The following ADAMTS17 variants were observed in gnomAD, a reference collection of about 807,000 sequenced individuals.
The protein encoded by ADAMTS17 is ADAM metallopeptidase with thrombospondin type 1 motif 17, also known as A disintegrin and metalloproteinase with thrombospondin motifs 17.
ADAMTS17 carries 113 observed loss-of-function variants against 141.5 expected under a neutral mutation model. That is an observed-to-expected ratio of 0.80 (90% CI 0.69 to 0.93). The LOEUF (loss-of-function observed/expected upper bound fraction) is 0.93, where lower values mean the gene tolerates loss of function less well. Ranked by LOEUF, ADAMTS17 falls within the 40% of genes least tolerant of loss-of-function variation. ADAMTS17 has a pLI of 0.00. For synonymous variants in ADAMTS17, 768 were observed against 630.6 expected, an observed-to-expected ratio of 1.22 and a Z score of -3.27; for missense variants, 1,659 against 1,517.9, an observed-to-expected ratio of 1.09 and a Z score of -1.54.
intron 3 of ADAMTS17, among the ~76,000 whole-genome samples, chr15:100,308,371 C>G (rs1426863424): frequency 6.6e-6 from 1 of 152,220 alleles, no homozygotes; most frequent in Non-Finnish European, 1.5e-5. Context: ...TTGTAAATCT[C>G]AGAATCCCCA....
chr15:100,116,931 G>A lies in ADAMTS17; in HGVS notation c.1804C>T (p.Pro602Ser), dbSNP rs756454329. The change falls in exon 13 of 22, where the codon CCC (proline) becomes TCC (serine). Residue 602 changes from proline to serine, a missense_variant. Transcript: ENST00000268070. ...CENLPCPKGL[P>S]SFRDQQCQAH... ...TGGCACTGCTGGTCCCGGAAGCTGG[G>A]CAGACCCTTGGGGCAGGGCAGGTTC... 1.4e-5 allele frequency: 22 copies of A among 1,614,024 alleles called. No homozygotes were observed. Among genetic ancestry groups the A allele is most frequent in the Middle Eastern group, 1.7e-4 (1 of 6,060 alleles).
intron 3 of ADAMTS17, among the ~76,000 whole-genome samples, chr15:100,283,322 A>G (rs1265032925): frequency 6.6e-6 from 1 of 152,196 alleles, no homozygotes; most frequent in Non-Finnish European, 1.5e-5. Flanking sequence ...GCCTTTGCAC[A>G]TTGGCAGAAG....
At chr15:100,057,395 C>G (rs2032672216) in intron 15 of ADAMTS17, among the ~76,000 whole-genome samples, 3 of 152,132 alleles carry the variant, frequency 2.0e-5, no homozygotes, top group South Asian at 4.1e-4. Context: ...TCCGTAGAAC[C>G]CATTTCTCTC....
chr15:100,099,345 T>C (rs748917545), intron 14 of ADAMTS17, among the ~76,000 whole-genome samples: 12 of 152,212 alleles, frequency 7.9e-5, no homozygotes, highest in Non-Finnish European at 1.5e-4. Context: ...TTTTCTTCCA[T>C]TGTTTCAGTC....
At chr15:100,023,895 T>C (rs2061450862) in intron 18 of ADAMTS17, among the ~76,000 whole-genome samples, 1 of 152,270 alleles carries the variant, frequency 6.6e-6, no homozygotes, top group East Asian at 1.9e-4. Flanking sequence ...ACTTATAAAT[T>C]TAATTCATGC....
At chr15:99,975,666 T>G (rs1236432035) in intron 21 of ADAMTS17, among the ~76,000 whole-genome samples, 1 of 152,180 alleles carries the variant, frequency 6.6e-6, no homozygotes, top group African/African-American at 2.4e-5. Context: ...GCCTGGGGTG[T>G]GCCCCATGTG....
At chr15:100,290,560 A>C (rs2044595035) in intron 3 of ADAMTS17, among the ~76,000 whole-genome samples, 1 of 152,346 alleles carries the variant, frequency 6.6e-6, no homozygotes, top group Non-Finnish European at 1.5e-5. Flanking sequence ...AAGCAATTCT[A>C]AGCAAAAAGA....
chr15:100,081,867 G>A (rs1003930627), intron 15 of ADAMTS17, among the ~76,000 whole-genome samples: 2 of 152,158 alleles, frequency 1.3e-5, no homozygotes, highest in Non-Finnish European at 2.9e-5. Context: ...TCCCTTTTCA[G>A]TTAATGGCCT....
chr15:100,319,159 G>A (rs1445996423), intron 3 of ADAMTS17, among the ~76,000 whole-genome samples: 2 of 152,354 alleles, frequency 1.3e-5, no homozygotes, highest in East Asian at 3.9e-4. Flanking sequence ...GGGTAGAATA[G>A]CACTGGGGGC....
intron 20 of ADAMTS17, among the ~76,000 whole-genome samples, chr15:99,988,617 G>A (rs1013637710): frequency 6.6e-6 from 1 of 152,192 alleles, no homozygotes; most frequent in Admixed American, 6.5e-5. Flanking sequence ...CTTGTCAAAC[G>A]GGCTGTGGCA....
At chr15:100,126,969 C>T (rs916255188) in intron 12 of ADAMTS17, among the ~76,000 whole-genome samples, 5 of 152,312 alleles carry the variant, frequency 3.3e-5, no homozygotes, top group African/African-American at 1.2e-4. Flanking sequence ...GAGACTTAAG[C>T]AGCACCCCAT....
chr15:100,019,981 C>A (rs11631633), intron 18 of ADAMTS17, among the ~76,000 whole-genome samples: 106,682 of 150,678 alleles, frequency 0.71, 37,967 homozygotes, highest in Non-Finnish European at 0.77. Flanking sequence ...AGCCCCAAGC[C>A]TCTTGTCCTA....
intron 18 of ADAMTS17, among the ~76,000 whole-genome samples, chr15:100,030,126 G>C (rs1339749953): frequency 6.6e-6 from 1 of 152,152 alleles, no homozygotes; most frequent in African/African-American, 2.4e-5. Context: ...GGCAGGTGCA[G>C]CTGAAATGTT....
At chr15:100,126,029 T>C (rs1450997741) in intron 12 of ADAMTS17, 5 of 152,152 alleles carry the variant, frequency 3.3e-5, no homozygotes, top group African/African-American at 4.8e-5. Flanking sequence ...GCAGGCCTGG[T>C]GATTTAAGGA....
intron 18 of ADAMTS17, among the ~76,000 whole-genome samples, chr15:100,008,151 T>G (rs1177592513): frequency 6.6e-6 from 1 of 151,980 alleles, no homozygotes; most frequent in African/African-American, 2.4e-5. Context: ...AAACGTGGTC[T>G]GATGCTTGCT....
chr15:100,113,457 C>G (rs2036917240), intron 13 of ADAMTS17, among the ~76,000 whole-genome samples: 1 of 152,052 alleles, frequency 6.6e-6, no homozygotes, highest in South Asian at 2.1e-4. Context: ...TCCTGGAGCC[C>G]ACTAGCAATA....
chr15:100,140,480 C>CATATATATATATATAT (rs1466321506), intron 10 of ADAMTS17, among the ~76,000 whole-genome samples: 3 of 53,870 alleles, frequency 5.6e-5, no homozygotes, highest in Admixed American at 2.3e-4. Context: ...GACACACACA[C>CATATATATATATATAT]ATACATACAT....
At chr15:100,280,249 G>A (rs1446368723) in intron 4 of ADAMTS17, among the ~76,000 whole-genome samples, 1 of 152,052 alleles carries the variant, frequency 6.6e-6, no homozygotes, top group African/African-American at 2.4e-5. Context: ...CACCCACCCA[G>A]AGGCCCAGCT....
intron 7 of ADAMTS17, among the ~76,000 whole-genome samples, chr15:100,213,335 A>G (rs1025266305): frequency 2.0e-5 from 3 of 152,228 alleles, no homozygotes; most frequent in Non-Finnish European, 4.4e-5. Flanking sequence ...GAGGAAAAAC[A>G]TGATATAAAA....
Sources: allele counts gnomAD v4.1 joint callset (sites outside exome capture counted in the v4.1 genomes callset), GRCh38; gene constraint gnomAD v4.1.1; transcripts MANE v1.5; gene names NCBI Gene and HGNC (gene_info 2026-07-23, HGNC 2026-07-21).